Variants in AFF2 observed in about 807,000 individuals in gnomAD.
AFF2 encodes the protein ALF transcription elongation factor 2, also known as AF4/FMR2 family member 2.
A neutral mutation model predicts 76.9 loss-of-function variants in AFF2; 14 were observed. The ratio of observed to expected loss-of-function variants is 0.18; its 90% CI spans 0.12 to 0.28. AFF2 has a LOEUF of 0.28. AFF2 is among the 10% of genes least tolerant of loss of function. The pLI is 1.00. For synonymous variants in AFF2, 398 were observed against 366.7 expected, an observed-to-expected ratio of 1.09 and a Z score of -0.98; for missense variants, 868 against 1,001.1, an observed-to-expected ratio of 0.87 and a Z score of 1.79.
intron 1 of AFF2, among the ~76,000 whole-genome samples, chrX:148,537,998 C>G (rs2052805212): frequency 8.9e-6 from 1 of 112,155 alleles, no homozygotes; most frequent in Non-Finnish European, 1.9e-5. Context: ...TGTAATGAAG[C>G]AAGTTAAGAA....
At chrX:148,522,637 A>G (rs2052614448) in intron 1 of AFF2, among the ~76,000 whole-genome samples, 1 of 112,171 alleles carries the variant, frequency 8.9e-6, no homozygotes, top group Admixed American at 9.4e-5. Context: ...CTTTTAGTAT[A>G]CAATTGCTGG....
chrX:148,791,657 C>T (rs1283733540), intron 3 of AFF2, among the ~76,000 whole-genome samples: 3 of 112,357 alleles, frequency 2.7e-5, no homozygotes, highest in Non-Finnish European at 3.8e-5. Context: ...AAAAATAGCA[C>T]GAAGTCCTCT....
At chrX:148,980,912 C>T (rs1380202634) in intron 19 of AFF2, 122 bp downstream of exon 19, 2 of 442,570 alleles carry the variant, frequency 4.5e-6, no homozygotes, top group Non-Finnish European at 7.6e-6. Flanking sequence ...TTTGTGCATA[C>T]AAAATTCCAG....
chrX:148,829,510 C>T (rs1205848110), intron 4 of AFF2, among the ~76,000 whole-genome samples: 1 of 111,828 alleles, frequency 8.9e-6, no homozygotes, highest in Non-Finnish European at 1.9e-5. Flanking sequence ...AGACAATAGG[C>T]TCCCCTCAGC....
At chrX:148,773,685 G>GGAAAGAAAGAAAGAAA (rs1205912443) in intron 3 of AFF2, among the ~76,000 whole-genome samples, 2,258 of 51,346 alleles carry the variant, frequency 0.044, 112 homozygotes, top group East Asian at 0.083. Context: ...AAGGAAGGAA[G>GGAAAGAAAGAAAGAAA]GAAAGAAAGA....
At chrX:148,693,362 G>A (rs782396105) in intron 3 of AFF2, among the ~76,000 whole-genome samples, 1 of 111,627 alleles carries the variant, frequency 9.0e-6, no homozygotes, top group Non-Finnish European at 1.9e-5. Flanking sequence ...CCAGCAGCCC[G>A]CTCTCCCAGA....
At chrX:148,576,105 T>A (rs2053284846) in intron 1 of AFF2, among the ~76,000 whole-genome samples, 1 of 111,467 alleles carries the variant, frequency 9.0e-6, no homozygotes, top group South Asian at 3.7e-4. Context: ...ATGTTTATAA[T>A]GAAGGAAAGA....
At chrX:148,691,924 G>A (rs1297922359) in intron 3 of AFF2, among the ~76,000 whole-genome samples, 1 of 111,676 alleles carries the variant, frequency 9.0e-6, no homozygotes, top group Non-Finnish European at 1.9e-5. Flanking sequence ...CTGTATCCCA[G>A]CTGTAGACAG....
intron 1 of AFF2, among the ~76,000 whole-genome samples, chrX:148,600,193 T>C (rs2053613036): frequency 8.9e-6 from 1 of 112,024 alleles, no homozygotes; most frequent in Non-Finnish European, 1.9e-5. Context: ...GGAGACTTGG[T>C]AGTCTTGTGT....
intron 1 of AFF2, among the ~76,000 whole-genome samples, chrX:148,630,030 G>T (rs2053964447): frequency 9.0e-6 from 1 of 111,675 alleles, no homozygotes; most frequent in African/African-American, 3.3e-5. Context: ...ACAGCGTTGT[G>T]AGCCCACTCT....
chrX:148,884,036 A>C (rs1339215775), intron 7 of AFF2, among the ~76,000 whole-genome samples: 1 of 111,851 alleles, frequency 8.9e-6, no homozygotes, highest in African/African-American at 3.3e-5. Context: ...AATAACAAGC[A>C]TAGGTAGTTT....
intron 3 of AFF2, among the ~76,000 whole-genome samples, chrX:148,704,902 A>G (rs2054864454): frequency 9.1e-6 from 1 of 109,850 alleles, no homozygotes. Flanking sequence ...CCTGACCTCA[A>G]GCAATCCTCC....
chrX:148,545,282 C>T lies in AFF2; in HGVS notation c.47+44138C>T, dbSNP rs78296893. ...ACAGTTCAGGCCTGTCTCCATTATACTGTGCCACTTTATGAAACACTGAGA... is the reference window on the plus strand; with the variant it reads ...ACAGTTCAGGCCTGTCTCCATTATATTGTGCCACTTTATGAAACACTGAGA... On this transcript the variant is annotated intron_variant, in intron 1 of 20. Coordinates refer to ENST00000370460, the MANE Select transcript of AFF2 (RefSeq NM_002025.4). Among the ~76,000 whole-genome samples, 38 of 111,655 alleles carry T rather than the reference C, an allele frequency of 3.4e-4. No individual in the cohort carries two copies. The East Asian group carries it at 0.011, about 31-fold the overall frequency.
chrX:148,728,020 G>A (rs1475023884), intron 3 of AFF2, among the ~76,000 whole-genome samples: 1 of 112,257 alleles, frequency 8.9e-6, no homozygotes. Context: ...CAGGGAAAAA[G>A]TTGCAAGACA....
At chrX:148,696,712 A>C (rs1284386149) in intron 3 of AFF2, among the ~76,000 whole-genome samples, 1 of 112,255 alleles carries the variant, frequency 8.9e-6, no homozygotes, top group Non-Finnish European at 1.9e-5. Flanking sequence ...TGTGTTTTTA[A>C]GAACAAGACA....
intron 3 of AFF2, among the ~76,000 whole-genome samples, chrX:148,807,422 A>C (rs1442702460): frequency 1.8e-5 from 2 of 111,864 alleles, no homozygotes; most frequent in East Asian, 5.6e-4. Context: ...AGATTTAAAA[A>C]GGATGGGTAT....
At chrX:148,548,419 TC>T (rs782574948) in intron 1 of AFF2, among the ~76,000 whole-genome samples, 66 of 111,934 alleles carry the variant, frequency 5.9e-4, no homozygotes, top group African/African-American at 2.1e-3. Context: ...AGAAGCTGCT[TC>T]CCTTTTATTT....
At chrX:148,631,690 G>C (rs1243725950) in intron 1 of AFF2, among the ~76,000 whole-genome samples, 2 of 112,434 alleles carry the variant, frequency 1.8e-5, no homozygotes, top group Non-Finnish European at 3.8e-5. Flanking sequence ...TGAAAGGCAG[G>C]GGGAGGAGGG....
rs1557231755 is a variant in AFF2 at position 148,501,072 on chromosome X, C to T, written c.-26C>T. On this transcript the variant is annotated 5_prime_UTR_variant, in exon 1 of 21. Coordinates refer to ENST00000370460, the MANE Select transcript of AFF2 (RefSeq NM_002025.4). ...ACCCGCTGCGATCAGGGACAGGCGC[C>T]CGCCCGCCGCCGCCGCCTGGCCGCT... 4.2e-6 allele frequency: 5 copies of T among 1,195,916 alleles called. No individual in the cohort carries two copies. The East Asian group carries it at 1.2e-4, about 29-fold the overall frequency.
Sources: gnomAD v4.1 joint callset for allele counts (sites outside exome capture counted in the v4.1 genomes callset) on GRCh38, gnomAD v4.1.1 for gene constraint, MANE v1.5 for transcripts, NCBI Gene and HGNC (gene_info 2026-07-23, HGNC 2026-07-21) for gene names.